The following ATPSCKMT variants were observed in gnomAD, a reference collection of about 807,000 sequenced individuals.
ATPSCKMT encodes the protein ATP synthase c subunit lysine N-methyltransferase, also known as ATP synthase subunit C lysine N-methyltransferase.
In ATPSCKMT, 24 loss-of-function variants were observed where a neutral mutation model predicts 24.3. The ratio of observed to expected loss-of-function variants is 0.99; its 90% CI spans 0.71 to 1.39. The LOEUF is 1.39. Among genes scored for constraint, ATPSCKMT ranks in the 40% most tolerant of loss-of-function variants. The pLI, the probability that ATPSCKMT is intolerant of heterozygous loss-of-function variation, is 0.00. For missense variants in ATPSCKMT, 311 were observed against 298.4 expected (o/e 1.04, Z -0.31); for synonymous variants, 95 against 110.5 (o/e 0.86, Z 0.88).
chr5:10,235,675 C>CT (rs1744343893), intron 3 of ATPSCKMT, among the ~76,000 whole-genome samples: 1 of 152,236 alleles, frequency 6.6e-6, no homozygotes, highest in African/African-American at 2.4e-5. Context: ...TCAGAACCAT[C>CT]TGTTTTTTGT....
At chr5:10,234,617 A>G (rs1250400743) in intron 4 of ATPSCKMT, among the ~76,000 whole-genome samples, 26 of 152,348 alleles carry the variant, frequency 1.7e-4, no homozygotes, top group Non-Finnish European at 8.8e-5. Flanking sequence ...ATTTCTTTCC[A>G]TGGTCTGTGC....
intron 2 of ATPSCKMT, among the ~76,000 whole-genome samples, chr5:10,238,137 G>A (rs1025024069): frequency 7.9e-5 from 12 of 152,296 alleles, no homozygotes; most frequent in African/African-American, 2.9e-4. Context: ...CAGAGTTTCA[G>A]TTTTGCAAGA....
Position 10,236,651 on chromosome 5 carries a change from G to A in ATPSCKMT, c.307-36C>T, listed in dbSNP as rs1331468569. ...AGGCAGGATTTATTCAAAATAAGAA[G>A]AAAAAATGAACATACATGGTCAAAC... On this transcript the variant is annotated intron_variant, in intron 2 of 4. Transcript: ENST00000511437. The A allele has an allele frequency of 9.4e-6, 15 of 1,596,794 alleles. No individual in the cohort carries two copies. The Admixed American group carries it at 1.6e-4, about 17-fold the overall frequency.
intron 2 of ATPSCKMT, 115 bp from the exon 3 acceptor site, chr5:10,236,730 G>A (rs149811463): frequency 1.1e-5 from 16 of 1,488,416 alleles, no homozygotes; most frequent in Admixed American, 4.5e-5. Flanking sequence ...AGCACCTCCC[G>A]TGACTAAGAC....
chr5:10,231,784 C>T (rs1253244586), intron 4 of ATPSCKMT, among the ~76,000 whole-genome samples: 1 of 152,050 alleles, frequency 6.6e-6, no homozygotes, highest in Non-Finnish European at 1.5e-5. Flanking sequence ...GTATTCCAAG[C>T]GATTAGAACA....
Position 10,227,664 on chromosome 5 carries a change from C to T in ATPSCKMT, c.496-17G>A. On this transcript the variant is annotated splice_polypyrimidine_tract_variant and intron_variant, in intron 4 of 4. Transcript: ENST00000511437. ...CTGCAGCATCTGTGGAGAGTAACAGCTATTATTTTAGTGAGCAGTGAGTCA... is the reference window on the plus strand; with the variant it reads ...CTGCAGCATCTGTGGAGAGTAACAGTTATTATTTTAGTGAGCAGTGAGTCA... The T allele has an allele frequency of 6.2e-7, 1 of 1,612,964 alleles. No individual in the cohort carries two copies. Among genetic ancestry groups the T allele is most frequent in the African/African-American group, 1.3e-5 (1 of 74,976 alleles).
Position 10,239,241 on chromosome 5 carries a change from C to T in ATPSCKMT, c.132G>A (p.Val44=), listed in dbSNP as rs10066513. ...CGTACACAGCCACCAGGGTGCCACC[C>T]ACAAGCCCAGTAAGTAAGAACCCCC... ...SNWGFLLTGL[V]GGTLVAVYAV... Residue 44 remains valine, a synonymous_variant, in exon 2 of 5, where the codon GTG becomes GTA. Coordinates refer to ENST00000511437, the MANE Select transcript of ATPSCKMT (RefSeq NM_199133.4). 0.011 allele frequency: 17,867 copies of T among 1,614,102 alleles called. 1,750 individuals are homozygous for T. The African/African-American group carries it at 0.21, about 19-fold the overall frequency.
Position 10,227,388 on chromosome 5 carries a change from T to C in ATPSCKMT, c.*53A>G. ...TTTGCTAAGGACACAGCTGTAAGTCTCTACAAGATCAGGGAAGACTACAAT... is the reference window on the plus strand; with the variant it reads ...TTTGCTAAGGACACAGCTGTAAGTCCCTACAAGATCAGGGAAGACTACAAT... On this transcript the variant is annotated 3_prime_UTR_variant, in exon 5 of 5. Coordinates refer to ENST00000511437, the MANE Select transcript of ATPSCKMT (RefSeq NM_199133.4). 6.3e-7 allele frequency: 1 copy of C among 1,579,498 alleles called. No individual in the cohort carries two copies. Among genetic ancestry groups the C allele is most frequent in the South Asian group, 1.1e-5 (1 of 90,312 alleles).
intron 1 of ATPSCKMT, among the ~76,000 whole-genome samples, chr5:10,243,912 G>A (rs1744763426): frequency 6.6e-6 from 1 of 152,200 alleles, no homozygotes; most frequent in Non-Finnish European, 1.5e-5. Flanking sequence ...CTAACTGTTT[G>A]ATGCCAGAGG....
Position 10,227,644 on chromosome 5 carries a change from G to A in ATPSCKMT, c.499C>T (p.Leu167=). 3 of 1,613,918 alleles carry A rather than the reference G, an allele frequency of 1.9e-6. No individual in the cohort carries two copies. Among genetic ancestry groups the A allele is most frequent in the Non-Finnish European group, 2.5e-6 (3 of 1,179,822 alleles). The part of the protein sequence containing the change: ...VVIFGVPQMM[L]QLEKKLEREL... Reference sequence around the variant, plus strand: ...CGTTCAAGTTTCTTCTCCAACTGCAGCATCTGTGGAGAGTAACAGCTATTA... The same window carrying A: ...CGTTCAAGTTTCTTCTCCAACTGCAACATCTGTGGAGAGTAACAGCTATTA... Residue 167 remains leucine, a synonymous_variant, in exon 5 of 5, where the codon CTG becomes TTG. Transcript: ENST00000511437.
intron 1 of ATPSCKMT, chr5:10,249,645 G>A (rs1165643851): frequency 3.4e-5 from 25 of 730,640 alleles, no homozygotes; most frequent in Non-Finnish European, 4.2e-6. Context: ...AGTCTCTGGG[G>A]AAACGCGCCC....
Position 10,227,569 on chromosome 5 carries a change from G to A in ATPSCKMT, c.574C>T (p.His192Tyr), listed in dbSNP as rs759358849. The change falls in exon 5 of 5, where the codon CAT (histidine) becomes TAT (tyrosine). Residue 192 changes from histidine to tyrosine, a missense_variant. His to Tyr is a moderately conservative substitution (Grantham distance 83). Transcript: ENST00000511437. ...CCCGTGACGTGGTCTGGAGTCCAAT[G>A]TGGGAAAGGGAACCGGCAAGCAATA... Reference protein sequence around the residue: ...RVIACRFPFPHWTPDHVTGEG... With the variant: ...RVIACRFPFPYWTPDHVTGEG... 3.1e-6 allele frequency: 5 copies of A among 1,614,084 alleles called. No individual in the cohort carries two copies. Among genetic ancestry groups the A allele is most frequent in the Non-Finnish European group, 1.7e-6 (2 of 1,180,048 alleles).
chr5:10,228,030 G>C (rs1233533945), intron 4 of ATPSCKMT, among the ~76,000 whole-genome samples: 1 of 152,098 alleles, frequency 6.6e-6, no homozygotes, highest in Non-Finnish European at 1.5e-5. Context: ...TTTTTTAAGA[G>C]AGAGGGGTCT....
At chr5:10,231,536 C>T (rs1744137670) in intron 4 of ATPSCKMT, among the ~76,000 whole-genome samples, 1 of 151,968 alleles carries the variant, frequency 6.6e-6, no homozygotes, top group Non-Finnish European at 1.5e-5. Flanking sequence ...TGCCTGCTTG[C>T]TGCACTGCCC....
intron 1 of ATPSCKMT, among the ~76,000 whole-genome samples, chr5:10,247,552 C>G (rs1479429710): frequency 1.3e-5 from 2 of 152,112 alleles, no homozygotes; most frequent in Non-Finnish European, 2.9e-5. Flanking sequence ...CCTATGTTGC[C>G]CAGGCTGGTC....
At chr5:10,243,592 G>A (rs1744751857) in intron 1 of ATPSCKMT, among the ~76,000 whole-genome samples, 1 of 152,170 alleles carries the variant, frequency 6.6e-6, no homozygotes, top group Non-Finnish European at 1.5e-5. Flanking sequence ...GCTTCACCTT[G>A]CATTTTCATG....
At chr5:10,243,137 G>C (rs1579431961) in intron 1 of ATPSCKMT, among the ~76,000 whole-genome samples, 1 of 152,212 alleles carries the variant, frequency 6.6e-6, no homozygotes, top group East Asian at 1.9e-4. Context: ...TTGAAGCTTT[G>C]AAACCAGGCA....
intron 2 of ATPSCKMT, 97 bp downstream of exon 2, chr5:10,238,970 G>T: frequency 7.1e-7 from 1 of 1,411,840 alleles, no homozygotes; most frequent in Non-Finnish European, 9.6e-7. Context: ...CTTTCAAGCT[G>T]TCAGATTTAG....
chr5:10,243,397 T>C (rs534084565), intron 1 of ATPSCKMT, among the ~76,000 whole-genome samples: 13 of 152,062 alleles, frequency 8.5e-5, no homozygotes, highest in Non-Finnish European at 1.2e-4. Flanking sequence ...GGCAGGAGAA[T>C]CATTTGAACC....
Sources: gnomAD v4.1 joint callset for allele counts (sites outside exome capture counted in the v4.1 genomes callset) on GRCh38, gnomAD v4.1.1 for gene constraint, MANE v1.5 for transcripts, NCBI Gene and HGNC (gene_info 2026-07-23, HGNC 2026-07-21) for gene names.